Variants in BMP4 observed in about 807,000 individuals in gnomAD.
The protein encoded by BMP4 is bone morphogenetic protein 4.
Under a neutral mutation model 29.6 loss-of-function variants are expected in BMP4, and 3 were observed. The ratio of observed to expected loss-of-function variants is 0.10; its 90% confidence interval spans 0.05 to 0.26. The LOEUF (loss-of-function observed/expected upper bound fraction) is 0.26. Ranked by LOEUF, BMP4 falls within the 10% of genes least tolerant of loss-of-function variation. The pLI is 1.00. For synonymous variants in BMP4, 197 were observed against 213.2 expected (o/e 0.92, Z 0.66); for missense variants, 455 against 550.2 (o/e 0.83, Z 1.73).
Position 53,950,421 on chromosome 14 carries a change from G to T in BMP4, c.838C>A (p.Arg280=), listed in dbSNP as rs566882530. 18 of 1,613,876 alleles carry T rather than the reference G, an allele frequency of 1.1e-5. No individual in the cohort carries two copies. Among genetic ancestry groups the T allele is most frequent in the South Asian group, 3.3e-5 (3 of 91,082 alleles). ...CGGCGTCGGGTCAAGGCATGGCCCC[G>T]GCCATCATGGCCAAAGGTGACCAGG... The part of the protein sequence containing the change: ...PLLVTFGHDG[R]GHALTRRRRA... The change falls in exon 4 of 4, where the codon CGG becomes AGG. Residue 280 remains arginine, a synonymous_variant. Coordinates refer to ENST00000245451, the MANE Select transcript of BMP4 (RefSeq NM_001202.6). The surrounding 1 kb of genome is among the most constrained non-coding windows in gnomAD (Gnocchi z 5.4).
At chr14:53,953,483 C>G (rs1895558115) in intron 1 of BMP4, 83 bp from the exon 2 acceptor site, 1 of 397,342 alleles carries the variant, frequency 2.5e-6, no homozygotes, top group Non-Finnish European at 4.4e-6. Flanking sequence ...CACGTGAGCG[C>G]CGAGGCCCCT....
Position 53,955,485 on chromosome 14 carries a change from T to G in BMP4, c.-133+1065A>C, listed in dbSNP as rs1052154926. 3.9e-5 allele frequency: 6 copies of G among 152,246 alleles called. 1 individual carries two copies. Among genetic ancestry groups the G allele is most frequent in the Admixed American group, 1.3e-4 (2 of 15,292 alleles). 9.4% of individuals were successfully genotyped at this position (152,246 alleles called of 1,614,324 possible). ...AAGAACTTTCATCCCCAGAGCTTTT[T>G]ATTGGGGGAAAGGAATGTAACTCGG... On this transcript the variant is annotated intron_variant, in intron 1 of 3. Coordinates refer to ENST00000245451, the MANE Select transcript of BMP4 (RefSeq NM_001202.6). The surrounding 1 kb of genome is among the most constrained non-coding windows in gnomAD (Gnocchi z 4.0).
At position 53,949,931 on chromosome 14, in the gene BMP4, CTG is replaced by C; in HGVS notation, c.*99_*100del. On this transcript the variant is annotated 3_prime_UTR_variant, in exon 4 of 4. Coordinates refer to ENST00000245451, the MANE Select transcript of BMP4 (RefSeq NM_001202.6). ...AAAAGTCCAGCTATAAGGAAGCAGTCTGTGTAGTGTGTGGGTGAGTGGATGGG... is the reference window on the plus strand; with the variant it reads ...AAAAGTCCAGCTATAAGGAAGCAGTCTGTAGTGTGTGGGTGAGTGGATGGG... 9.2e-7 allele frequency: 1 copy of C among 1,085,142 alleles called. No individual in the cohort carries two copies. The allele number at this position is 1,085,142 out of a possible 1,614,324, so 67.2% of individuals were successfully genotyped here.
Position 53,950,699 on chromosome 14 carries a change from G to A in BMP4, c.560C>T (p.Pro187Leu), listed in dbSNP as rs755552169. The part of the protein sequence containing the change: ...RINIYEVMKP[P>L]AEVVPGHLIT... ...GAGGTGCCCAGGCACCACTTCTGCTGGGGGCTTCATAACCTCATAAATGTT... is the reference window on the plus strand; with the variant it reads ...GAGGTGCCCAGGCACCACTTCTGCTAGGGGCTTCATAACCTCATAAATGTT... The change falls in exon 4 of 4, where the codon CCA becomes CTA. Residue 187 changes from proline (P) to leucine (L), a missense_variant. Physicochemically the swap from Pro to Leu is moderately conservative, Grantham distance 98. Coordinates refer to ENST00000245451, the MANE Select transcript of BMP4 (RefSeq NM_001202.6). The surrounding 1 kb of genome is among the most constrained non-coding windows in gnomAD (Gnocchi z 5.4). The A allele has an allele frequency of 5.6e-6, 9 of 1,614,184 alleles. No homozygotes were observed. Among genetic ancestry groups the A allele is most frequent in the Non-Finnish European group, 7.6e-6 (9 of 1,180,044 alleles).
At chr14:53,951,336 A>G (rs1383945108) in intron 3 of BMP4, 3 of 217,972 alleles carry the variant, frequency 1.4e-5, no homozygotes, top group African/African-American at 6.9e-5. Context: ...GTATGTTACT[A>G]AACATTTCCC....
rs1451922338 is a variant in BMP4 at position 53,954,736 on chromosome 14, G to A, written c.-132-1336C>T. On this transcript the variant is annotated intron_variant, in intron 1 of 3. Transcript: ENST00000245451. This position sits in a 1 kb window ranked among gnomAD's most constrained non-coding sequence, Gnocchi z 4.8. ...AAAACCCGACTAGGCGCAACTCAGC[G>A]TTCAGCAGGGCCGGGAGCGCCAGGT... 2.0e-5 allele frequency among the ~76,000 whole-genome samples: 3 copies of A among 152,150 alleles called. No individual in the cohort carries two copies. The highest frequency in any genetic ancestry group is 4.8e-5 in the African/African-American group (2 of 41,444).
chr14:53,954,148 G>A lies in BMP4; in HGVS notation c.-132-748C>T, dbSNP rs1412206433. 1.3e-5 allele frequency among the ~76,000 whole-genome samples: 2 copies of A among 152,062 alleles called. No homozygotes were observed. Among genetic ancestry groups the A allele is most frequent in the Non-Finnish European group, 2.9e-5 (2 of 68,004 alleles). On this transcript the variant is annotated intron_variant, in intron 1 of 3. Coordinates refer to ENST00000245451, the MANE Select transcript of BMP4 (RefSeq NM_001202.6). This position sits in a 1 kb window ranked among gnomAD's most constrained non-coding sequence, Gnocchi z 4.8. ...GGAGGGAGGGTGTTAGAGGGTGATC[G>A]CTGTGGGAAAGTGAGAGGGAGCGGC...
chr14:53,949,883 CT>C lies in BMP4; in HGVS notation c.*148del, dbSNP rs1555339771. ...AAGGTGAATGTTTAGGGATTTTTTC[CT>C]TTTTTTTTTTTTTTTTTAAATAAAA... On this transcript the variant is annotated 3_prime_UTR_variant, in exon 4 of 4. Coordinates refer to ENST00000245451, the MANE Select transcript of BMP4 (RefSeq NM_001202.6). The C allele has an allele frequency of 0.082, 51,807 of 634,552 alleles. 15 individuals carry two copies. Among genetic ancestry groups the C allele is most frequent in the East Asian group, 0.19 (6,178 of 32,088 alleles). The allele number at this position is 634,552 out of a possible 1,614,324, so 39.3% of individuals were successfully genotyped here.
At chr14:53,951,381 A>G (rs1895401512) in intron 3 of BMP4, 1 of 210,816 alleles carries the variant, frequency 4.7e-6, no homozygotes, top group African/African-American at 2.3e-5. Context: ...TGCCTTGTTG[A>G]TCATGTTACA....
At position 53,949,955 on chromosome 14, in the gene BMP4, T is replaced by C. The variant is rs1895284254; in HGVS notation, c.*77A>G. On this transcript the variant is annotated 3_prime_UTR_variant, in exon 4 of 4. Transcript: ENST00000245451. ...TCTGTGTAGTGTGTGGGTGAGTGGA[T>C]GGGAACGTGTGTGTGTGGTGTATGT... 33 of 1,511,658 alleles carry C rather than the reference T, an allele frequency of 2.2e-5. No individual in the cohort carries two copies. The highest frequency in any genetic ancestry group is 2.7e-6 in the Non-Finnish European group (3 of 1,101,508). 93.6% of individuals were successfully genotyped at this position (1,511,658 alleles called of 1,614,324 possible).
chr14:53,951,870 C>T lies in BMP4; in HGVS notation c.353G>A (p.Arg118Lys). ...AGACTGACCTTCGTGGTGGAAGCTC[C>T]TCACGGTGTTGGCCCGGCTGGCCGG... ...ERPASRANTV[R>K]SFHHEEHLEN... Residue 118 changes from arginine to lysine, a missense_variant, in exon 3 of 4, where the codon AGG (arginine) becomes AAG (lysine). Around this residue, in one of 4 missense-constraint regions of BMP4, gnomAD observed 249 missense variants for 284.6 expected, o/e 0.87. Transcript: ENST00000245451. The T allele has an allele frequency of 6.3e-7, 1 of 1,599,782 alleles. No homozygotes were observed. The highest frequency in any genetic ancestry group is 8.5e-7 in the Non-Finnish European group (1 of 1,179,942).
intron 3 of BMP4, 159 bp downstream of exon 3, chr14:53,951,694 G>A: frequency 8.3e-7 from 1 of 1,198,594 alleles, no homozygotes; most frequent in Non-Finnish European, 1.2e-6. Context: ...AATAAGTTCG[G>A]CGGCAGCTCT....
At position 53,950,320 on chromosome 14, in the gene BMP4, G is replaced by C. The variant is rs756303252; in HGVS notation, c.939C>G (p.Leu313=). ...AGCCCACATCGCTGAAGTCCACATA[G>C]AGCGAGTGGCGCCGGCAGTTCTTAT... The part of the protein sequence containing the change: ...KKNKNCRRHS[L]YVDFSDVGWN... The change falls in exon 4 of 4, where the codon CTC becomes CTG. Residue 313 remains leucine, a synonymous_variant. Transcript: ENST00000245451. This position sits in a 1 kb window ranked among gnomAD's most constrained non-coding sequence, Gnocchi z 5.4. 30 of 1,614,104 alleles carry C rather than the reference G, an allele frequency of 1.9e-5. No homozygotes were observed. The highest frequency in any genetic ancestry group is 2.5e-5 in the Non-Finnish European group (29 of 1,180,050).
In BMP4 at chr14:53,955,304, G is replaced by C. The variant is rs1895673608; in HGVS notation, c.-133+1246C>G. 6.6e-6 allele frequency among the ~76,000 whole-genome samples: 1 copy of C among 152,224 alleles called. No individual in the cohort carries two copies. Among genetic ancestry groups the C allele is most frequent in the African/African-American group, 2.4e-5 (1 of 41,458 alleles). ...CGCCCGGGTTCCCCGGAAAACCCTC[G>C]GCCCCAAGGAATCTCCTGGGGCGGG... On this transcript the variant is annotated intron_variant, in intron 1 of 3. Coordinates refer to ENST00000245451, the MANE Select transcript of BMP4 (RefSeq NM_001202.6). The surrounding 1 kb of genome is among the most constrained non-coding windows in gnomAD (Gnocchi z 4.0).
chr14:53,955,359 G>A lies in BMP4; in HGVS notation c.-133+1191C>T, dbSNP rs1250245879. Reference sequence around the variant, plus strand: ...CGCGGTTCTAAAACCGAGAGGATAGGAAGGGGAAGGGGGAGTTGTGTTTCA... The same window carrying A: ...CGCGGTTCTAAAACCGAGAGGATAGAAAGGGGAAGGGGGAGTTGTGTTTCA... On this transcript the variant is annotated intron_variant, in intron 1 of 3. Transcript: ENST00000245451. This position sits in a 1 kb window ranked among gnomAD's most constrained non-coding sequence, Gnocchi z 4.0. 6.6e-6 allele frequency: 1 copy of A among 152,260 alleles called. No individual in the cohort carries two copies. Among genetic ancestry groups the A allele is most frequent in the Non-Finnish European group, 1.5e-5 (1 of 68,062 alleles). 9.4% of individuals were successfully genotyped at this position (152,260 alleles called of 1,614,324 possible). A position where few individuals can be genotyped will look rare whatever the true frequency, so the allele number is the denominator to read the frequency against.
chr14:53,950,272 T>C lies in BMP4; in HGVS notation c.987A>G (p.Pro329=), dbSNP rs1895308033. The change falls in exon 4 of 4, where the codon CCA becomes CCG. Residue 329 remains proline, a synonymous_variant. Transcript: ENST00000245451. The surrounding 1 kb of genome is among the most constrained non-coding windows in gnomAD (Gnocchi z 5.4). ...GGCAGTAGAAGGCCTGGTAGCCTGG[T>C]GGGGCCACAATCCAGTCATTCCAGC... ...DVGWNDWIVA[P]PGYQAFYCHG... The C allele has an allele frequency of 1.9e-6, 3 of 1,614,124 alleles. No individual in the cohort carries two copies. Among genetic ancestry groups the C allele is most frequent in the Middle Eastern group, 1.6e-4 (1 of 6,084 alleles).
chr14:53,952,195 C>A lies in BMP4; in HGVS notation c.28G>T (p.Val10Phe). 1 of 1,614,096 alleles carries A rather than the reference C, an allele frequency of 6.2e-7. No individual in the cohort carries two copies. Among genetic ancestry groups the A allele is most frequent in the Middle Eastern group, 1.6e-4 (1 of 6,062 alleles). ...AGCAGGACTTGGCATAATAAAACGA[C>A]CATCAGCATTCGGTTACCAGGAATC... Reference protein sequence around the residue: MIPGNRMLMVVLLCQVLLGG... With the variant: MIPGNRMLMFVLLCQVLLGG... The change falls in exon 3 of 4, where the codon GTC becomes TTC. Residue 10 changes from valine to phenylalanine, a missense_variant. Val to Phe is a conservative substitution (Grantham distance 50). Coordinates refer to ENST00000245451, the MANE Select transcript of BMP4 (RefSeq NM_001202.6).
rs1594797214 is a variant in BMP4 at position 53,954,077 on chromosome 14, TC to T, written c.-132-678del. On this transcript the variant is annotated intron_variant, in intron 1 of 3. Transcript: ENST00000245451. This position sits in a 1 kb window ranked among gnomAD's most constrained non-coding sequence, Gnocchi z 4.8. ...CGAAGAGCCGGGCCACCGATCTAGC[TC>T]CCGGCTGAAAGCAGCCGACCTTGTC... Among the ~76,000 whole-genome samples, 1 of 151,518 alleles carries T rather than the reference TC, an allele frequency of 6.6e-6. No homozygotes were observed. The highest frequency in any genetic ancestry group is 2.4e-5 in the African/African-American group (1 of 41,214).
chr14:53,953,638 C>T (rs954936762), intron 1 of BMP4, among the ~76,000 whole-genome samples: 3 of 151,750 alleles, frequency 2.0e-5, no homozygotes, highest in African/African-American at 7.3e-5. Flanking sequence ...CGGCGGCGCT[C>T]GGCAGAGCCC....
Sources: gnomAD v4.1 joint callset for allele counts (sites outside exome capture counted in the v4.1 genomes callset) on GRCh38, gnomAD v4.1.1 for gene constraint, gnomAD v4.1.1 regional missense constraint, Gnocchi (gnomAD v3.1) non-coding constraint, MANE v1.5 for transcripts, NCBI Gene and HGNC (gene_info 2026-07-23, HGNC 2026-07-21) for gene names.